The following EML5 variants were observed in gnomAD, a reference collection of about 807,000 sequenced individuals.
The protein encoded by EML5 is EMAP like 5.
A neutral mutation model predicts 250.0 loss-of-function variants in EML5; 120 were observed. The observed-to-expected ratio is 0.48, with a 90% confidence interval of 0.41 to 0.56. The LOEUF is 0.56. Ranked by LOEUF, EML5 falls within the 20% of genes least tolerant of loss-of-function variation. The probability of loss-of-function intolerance (pLI) is 0.00; values close to 1 mark genes in which losing one functional copy is unlikely to be tolerated. For synonymous variants in EML5, 771 were observed against 806.5 expected (o/e 0.96, Z 0.75); for missense variants, 2,006 against 2,437.6 (o/e 0.82, Z 3.73).
intron 1 of EML5, among the ~76,000 whole-genome samples, chr14:88,772,732 G>A (rs1325403545): frequency 5.3e-5 from 8 of 151,476 alleles, no homozygotes; most frequent in South Asian, 2.1e-4. Context: ...CAGCCTGGGC[G>A]ACAGGGCAAG....
intron 1 of EML5, among the ~76,000 whole-genome samples, chr14:88,764,940 A>G (rs1376332336): frequency 6.6e-6 from 1 of 152,136 alleles, no homozygotes; most frequent in Non-Finnish European, 1.5e-5. Context: ...ATTTTGGTAA[A>G]CGTTTTGGCA....
intron 10 of EML5, among the ~76,000 whole-genome samples, chr14:88,710,176 A>G (rs548564785): frequency 6.6e-6 from 1 of 152,300 alleles, no homozygotes; most frequent in Non-Finnish European, 1.5e-5. Context: ...AGGTGAAACT[A>G]GAGAAAAAGA....
chr14:88,687,375 A>T (rs2092857521), intron 18 of EML5, 48 bp from the exon 19 acceptor site: 1 of 1,317,458 alleles, frequency 7.6e-7, no homozygotes, highest in Admixed American at 2.7e-5. Context: ...AATATTTTTT[A>T]AAATAGTAAC....
At chr14:88,669,196 C>T (rs973803751) in intron 21 of EML5, among the ~76,000 whole-genome samples, 7 of 152,288 alleles carry the variant, frequency 4.6e-5, no homozygotes, top group African/African-American at 1.7e-4. Context: ...CCTCCGTGAG[C>T]CCATGCCACC....
intron 10 of EML5, among the ~76,000 whole-genome samples, chr14:88,709,197 T>A (rs2093365682): frequency 6.6e-6 from 1 of 151,916 alleles, no homozygotes; most frequent in South Asian, 2.1e-4. Flanking sequence ...CTAGTAAAAG[T>A]AAGAATTTCT....
At chr14:88,656,571 C>T (rs2091879936) in intron 27 of EML5, among the ~76,000 whole-genome samples, 1 of 152,118 alleles carries the variant, frequency 6.6e-6, no homozygotes, top group Admixed American at 6.5e-5. Context: ...ACCTATGTAA[C>T]AAACCTGCAC....
At chr14:88,738,431 C>G (rs2093878480) in intron 6 of EML5, among the ~76,000 whole-genome samples, 1 of 149,100 alleles carries the variant, frequency 6.7e-6, no homozygotes, top group Non-Finnish European at 1.5e-5. Context: ...AAAAAAAAAT[C>G]CCCCAATTGC....
intron 1 of EML5, among the ~76,000 whole-genome samples, chr14:88,759,911 C>T (rs1476186712): frequency 6.6e-6 from 1 of 152,050 alleles, no homozygotes; most frequent in Non-Finnish European, 1.5e-5. Flanking sequence ...CACATTCCTA[C>T]TAATATTTGG....
At chr14:88,751,445 G>A (rs1453336307) in intron 2 of EML5, among the ~76,000 whole-genome samples, 1 of 152,164 alleles carries the variant, frequency 6.6e-6, no homozygotes, top group Non-Finnish European at 1.5e-5. Context: ...GAGGGAAGGA[G>A]TGCTAACTGG....
chr14:88,648,491 C>T (rs1230447109), intron 28 of EML5, among the ~76,000 whole-genome samples: 1 of 152,070 alleles, frequency 6.6e-6, no homozygotes, highest in Non-Finnish European at 1.5e-5. Flanking sequence ...GTAGCTGGGA[C>T]CACAGGTGCA....
rs142605746 is a variant in EML5 at position 88,774,135 on chromosome 14, G to A, written c.197+18172C>T. On this transcript the variant is annotated intron_variant, in intron 1 of 43. Coordinates refer to ENST00000554922, the MANE Select transcript of EML5 (RefSeq NM_183387.3). ...CTCTGTCTCAAAAAAGCAAAAAACA[G>A]AAAACAAAAAACAAAAAACAAAACC... 9.7e-4 allele frequency among the ~76,000 whole-genome samples: 148 copies of A among 152,136 alleles called. 4 individuals carry two copies. In the East Asian group the frequency reaches 0.027, roughly 28 times the overall value.
chr14:88,642,090 C>T (rs910878754), intron 31 of EML5, among the ~76,000 whole-genome samples: 5 of 151,994 alleles, frequency 3.3e-5, no homozygotes, highest in Non-Finnish European at 7.4e-5. Context: ...TGGTTAATAC[C>T]GACAAGAGGT....
intron 27 of EML5, among the ~76,000 whole-genome samples, chr14:88,653,861 A>C (rs1290829123): frequency 6.6e-6 from 1 of 152,198 alleles, no homozygotes; most frequent in Non-Finnish European, 1.5e-5. Context: ...GAATAGCCAG[A>C]AGAATGGTAC....
chr14:88,658,898 C>T (rs2091967283), intron 25 of EML5, among the ~76,000 whole-genome samples: 1 of 152,082 alleles, frequency 6.6e-6, no homozygotes, highest in Non-Finnish European at 1.5e-5. Flanking sequence ...AGAAAGGATA[C>T]ACATGCCTAT....
At chr14:88,671,627 ACC>A (rs2092465037) in intron 21 of EML5, among the ~76,000 whole-genome samples, 1 of 152,164 alleles carries the variant, frequency 6.6e-6, no homozygotes, top group African/African-American at 2.4e-5. Context: ...AAGAGTCACA[ACC>A]CACTGGTGTG....
Position 88,613,079 on chromosome 14 carries a change from GTCTACTGTTGTGT to G in EML5, c.*2726_*2738del, listed in dbSNP as rs1320288008. ...CACGTTTAAGATTGTCAAGCCAGCA[GTCTACTGTTGTGT>G]TGCCATTGCTTTTCCATTGGGAGAA... On this transcript the variant is annotated 3_prime_UTR_variant, in exon 44 of 44. Coordinates refer to ENST00000554922, the MANE Select transcript of EML5 (RefSeq NM_183387.3). 1 of 152,384 alleles carries G rather than the reference GTCTACTGTTGTGT, an allele frequency of 6.6e-6. No homozygotes were observed. The highest frequency in any genetic ancestry group is 1.5e-5 in the Non-Finnish European group (1 of 68,038). 9.4% of individuals were successfully genotyped at this position (152,384 alleles called of 1,614,324 possible). A position where few individuals can be genotyped will look rare whatever the true frequency, so the allele number is the denominator to read the frequency against.
intron 2 of EML5, among the ~76,000 whole-genome samples, chr14:88,749,437 A>G (rs1001522428): frequency 1.3e-5 from 2 of 152,176 alleles, no homozygotes; most frequent in East Asian, 3.8e-4. Context: ...TATGATCATG[A>G]AAGTTTTCTC....
intron 25 of EML5, among the ~76,000 whole-genome samples, chr14:88,660,096 G>A (rs1473733874): frequency 2.0e-5 from 3 of 151,668 alleles, no homozygotes; most frequent in Non-Finnish European, 2.9e-5. Context: ...GGCAACATCT[G>A]GAGACCCCAT....
chr14:88,718,647 A>C (rs1224836614), intron 8 of EML5, among the ~76,000 whole-genome samples: 6 of 152,224 alleles, frequency 3.9e-5, no homozygotes, highest in East Asian at 1.9e-4. Flanking sequence ...TGAAAGCAGA[A>C]GGCATATAGG....
Sources: gnomAD v4.1 joint callset for allele counts (sites outside exome capture counted in the v4.1 genomes callset) on GRCh38, gnomAD v4.1.1 for gene constraint, MANE v1.5 for transcripts, NCBI Gene and HGNC (gene_info 2026-07-23, HGNC 2026-07-21) for gene names.